ROBO2: variants seen among roughly 807,000 people sequenced by gnomAD.
ROBO2 encodes roundabout guidance receptor 2, also known as roundabout homolog 2.
Under a neutral mutation model 160.8 loss-of-function variants are expected in ROBO2, and 53 were observed. That is an observed-to-expected ratio of 0.33 (90% confidence interval 0.26 to 0.41). ROBO2 has a LOEUF of 0.41. Among genes scored for constraint, ROBO2 ranks in the 10% least tolerant of loss-of-function variants. ROBO2 has a pLI of 1.00. For synonymous variants in ROBO2, 664 were observed against 611.7 expected, an observed-to-expected ratio of 1.09 and a Z score of -1.26; for missense variants, 1,577 against 1,722.4, an observed-to-expected ratio of 0.92 and a Z score of 1.49.
At chr3:76,132,108 G>A (rs908078960) in intron 2 of ROBO2, among the ~76,000 whole-genome samples, 10 of 152,066 alleles carry the variant, frequency 6.6e-5, no homozygotes, top group Admixed American at 2.0e-4. Context: ...GGTCATACTC[G>A]TGGCTAAGAT....
intron 13 of ROBO2, 144 bp downstream of exon 14, chr3:77,568,578 C>T: frequency 3.1e-6 from 3 of 965,210 alleles, no homozygotes; most frequent in East Asian, 5.2e-5. Context: ...AGAAAATCAA[C>T]AAATTAAAAA....
intron 2 of ROBO2, among the ~76,000 whole-genome samples, chr3:76,575,366 C>T (rs2085223420): frequency 6.6e-6 from 1 of 151,946 alleles, no homozygotes; most frequent in Admixed American, 6.6e-5. Flanking sequence ...ATAGTTAGTA[C>T]ATAATGTTTT....
At chr3:76,642,960 C>A (rs1332785373) in intron 2 of ROBO2, among the ~76,000 whole-genome samples, 1 of 152,020 alleles carries the variant, frequency 6.6e-6, no homozygotes, top group Non-Finnish European at 1.5e-5. Context: ...AATAAAGTTG[C>A]TAAAATGAGA....
chr3:75,955,093 G>C (rs937013764), intron 2 of ROBO2, among the ~76,000 whole-genome samples: 3 of 151,730 alleles, frequency 2.0e-5, no homozygotes, highest in African/African-American at 4.8e-5. Context: ...TTGTTTGTTT[G>C]TTTGTTTTGC....
intron 2 of ROBO2, among the ~76,000 whole-genome samples, chr3:76,354,404 A>C (rs2075043085): frequency 6.6e-6 from 1 of 151,896 alleles, no homozygotes; most frequent in East Asian, 1.9e-4. Flanking sequence ...TTAACAAAAT[A>C]AATCTCTTTT....
chr3:77,295,458 TA>T (rs1279848078), intron 2 of ROBO2, among the ~76,000 whole-genome samples: 1 of 148,172 alleles, frequency 6.7e-6, no homozygotes, highest in Admixed American at 6.7e-5. Flanking sequence ...AGACATAAAG[TA>T]AAATTGACGG....
intron 2 of ROBO2, among the ~76,000 whole-genome samples, chr3:76,265,895 G>C (rs950350020): frequency 4.1e-4 from 63 of 152,156 alleles, no homozygotes; most frequent in Non-Finnish European, 1.5e-4. Context: ...CAAGGAAAGA[G>C]CCTTAGAAAG....
chr3:76,510,284 A>G (rs1014037922), intron 2 of ROBO2, among the ~76,000 whole-genome samples: 8 of 152,208 alleles, frequency 5.3e-5, no homozygotes, highest in Non-Finnish European at 1.0e-4. Flanking sequence ...AACACACAAA[A>G]TCAGGCTGCT....
At chr3:77,195,187 G>A (rs943436657) in intron 2 of ROBO2, among the ~76,000 whole-genome samples, 3 of 151,818 alleles carry the variant, frequency 2.0e-5, no homozygotes, top group Non-Finnish European at 2.9e-5. Context: ...TTTTTTCCCC[G>A]TTAAATTTGC....
chr3:76,184,992 G>T (rs998563942), intron 2 of ROBO2, among the ~76,000 whole-genome samples: 1 of 151,556 alleles, frequency 6.6e-6, no homozygotes, highest in African/African-American at 2.4e-5. Flanking sequence ...TCATATGCTA[G>T]TCTCCTCTGG....
intron 2 of ROBO2, among the ~76,000 whole-genome samples, chr3:76,668,373 A>T (rs2092135968): frequency 6.6e-6 from 1 of 152,062 alleles, no homozygotes; most frequent in African/African-American, 2.4e-5. Context: ...CTCCCAAAGT[A>T]TTGGAATTAC....
intron 2 of ROBO2, among the ~76,000 whole-genome samples, chr3:77,109,349 A>G (rs1209854362): frequency 1.3e-5 from 2 of 150,476 alleles, no homozygotes; most frequent in African/African-American, 5.0e-5. Context: ...AAAAATGGCT[A>G]AGATGGTATA....
chr3:77,248,449 C>G (rs768764772), intron 2 of ROBO2, among the ~76,000 whole-genome samples: 2 of 152,136 alleles, frequency 1.3e-5, no homozygotes, highest in Non-Finnish European at 2.9e-5. Flanking sequence ...CTCCGCTGAG[C>G]TGCTAACACT....
intron 2 of ROBO2, among the ~76,000 whole-genome samples, chr3:76,872,898 A>T (rs2072267642): frequency 6.6e-6 from 1 of 152,094 alleles, no homozygotes; most frequent in Non-Finnish European, 1.5e-5. Context: ...AAATCACATT[A>T]TTTCAAAGTG....
At chr3:77,266,266 A>G (rs1180323667) in intron 2 of ROBO2, among the ~76,000 whole-genome samples, 1 of 151,654 alleles carries the variant, frequency 6.6e-6, no homozygotes, top group Non-Finnish European at 1.5e-5. Context: ...TCAGTGCTCT[A>G]AGTAGCTTAT....
chr3:76,811,274 T>C (rs2065139413), intron 2 of ROBO2, among the ~76,000 whole-genome samples: 1 of 152,164 alleles, frequency 6.6e-6, no homozygotes, highest in Non-Finnish European at 1.5e-5. Context: ...GAGAAAATGA[T>C]GGTATTGTTA....
At chr3:76,529,295 G>C (rs914807193) in intron 2 of ROBO2, among the ~76,000 whole-genome samples, 28 of 152,280 alleles carry the variant, frequency 1.8e-4, no homozygotes, top group Admixed American at 5.2e-4. Context: ...TAGAGCTAAG[G>C]CAAGAGTGTG....
At chr3:77,522,167 G>A (rs1386254837) in intron 5 of ROBO2, among the ~76,000 whole-genome samples, 1 of 151,078 alleles carries the variant, frequency 6.6e-6, no homozygotes, top group African/African-American at 2.4e-5. Context: ...ATGAAATGGA[G>A]GTAAAACCAT....
chr3:77,349,964 G>A (rs1456597395), intron 2 of ROBO2, among the ~76,000 whole-genome samples: 6 of 151,962 alleles, frequency 3.9e-5, no homozygotes. Context: ...TTGAAAGTTA[G>A]TTGACCTTCT....
Sources: gnomAD v4.1 joint callset for allele counts (sites outside exome capture counted in the v4.1 genomes callset) on GRCh38, gnomAD v4.1.1 for gene constraint, MANE v1.5 for transcripts, NCBI Gene and HGNC (gene_info 2026-07-23, HGNC 2026-07-21) for gene names.